Variants in ARL15 observed in about 807,000 individuals in gnomAD.
ARL15 encodes ADP-ribosylation factor-like protein 15.
Under a neutral mutation model 25.2 loss-of-function variants are expected in ARL15, and 19 were observed. The observed-to-expected ratio is 0.75, with a 90% CI of 0.53 to 1.10. ARL15 has a LOEUF of 1.10. ARL15 is among the 50% of genes least tolerant of loss of function. The probability of loss-of-function intolerance (pLI) is 0.00; values close to 1 mark genes in which losing one functional copy is unlikely to be tolerated. For missense variants in ARL15, 220 were observed against 246.0 expected (o/e 0.89, Z 0.71); for synonymous variants, 94 against 86.8 (o/e 1.08, Z -0.46).
chr5:54,105,864 C>A (rs530786880), intron 4 of ARL15, among the ~76,000 whole-genome samples: 1 of 152,228 alleles, frequency 6.6e-6, no homozygotes, highest in East Asian at 1.9e-4. Flanking sequence ...AAATTGAATT[C>A]ATCACTTTAA....
At chr5:54,164,148 G>A (rs1362302437) in intron 2 of ARL15, among the ~76,000 whole-genome samples, 1 of 151,894 alleles carries the variant, frequency 6.6e-6, no homozygotes, top group African/African-American at 2.4e-5. Flanking sequence ...TCATTTAGAA[G>A]TAAGTGAGTT....
intron 4 of ARL15, among the ~76,000 whole-genome samples, chr5:53,896,982 C>A (rs271205): frequency 0.22 from 33,110 of 152,076 alleles, 4,420 homozygotes; most frequent in Middle Eastern, 0.37. Flanking sequence ...ATACTCCCAC[C>A]TAAGATTCTA....
intron 1 of ARL15, among the ~76,000 whole-genome samples, chr5:54,199,844 C>T (rs78685175): frequency 3.5e-3 from 113 of 32,716 alleles, no homozygotes; most frequent in Admixed American, 7.2e-3. Context: ...CACATGCACA[C>T]ATATGTTTAT....
chr5:54,055,866 T>C (rs1170384972), intron 4 of ARL15, among the ~76,000 whole-genome samples: 1 of 152,128 alleles, frequency 6.6e-6, no homozygotes, highest in African/African-American at 2.4e-5. Flanking sequence ...AATTATCATG[T>C]GTATTTCTCC....
At chr5:54,033,167 G>A (rs759001073) in intron 4 of ARL15, among the ~76,000 whole-genome samples, 7 of 150,624 alleles carry the variant, frequency 4.6e-5, no homozygotes, top group Admixed American at 4.0e-4. Flanking sequence ...CAAAAAATTC[G>A]CTGGGCGTGG....
chr5:54,307,588 C>A (rs917365075), intron 1 of ARL15, among the ~76,000 whole-genome samples: 2 of 152,152 alleles, frequency 1.3e-5, no homozygotes, highest in Non-Finnish European at 2.9e-5. Context: ...AAATCAACAG[C>A]GACCCGAAGA....
chr5:54,216,292 G>A (rs1053311022), intron 1 of ARL15, among the ~76,000 whole-genome samples: 8 of 152,082 alleles, frequency 5.3e-5, no homozygotes, highest in African/African-American at 1.9e-4. Flanking sequence ...AGAGGCAGTG[G>A]TTTCATCCTC....
intron 1 of ARL15, among the ~76,000 whole-genome samples, chr5:54,296,743 G>A (rs1452799046): frequency 1.3e-5 from 2 of 152,254 alleles, no homozygotes; most frequent in African/African-American, 2.4e-5. Context: ...CCCTTGGCCA[G>A]GCACTTCTGT....
intron 1 of ARL15, among the ~76,000 whole-genome samples, chr5:54,178,273 T>C (rs539503142): frequency 3.9e-5 from 6 of 152,370 alleles, no homozygotes; most frequent in South Asian, 2.1e-4. Flanking sequence ...TTTTTCATCA[T>C]GAATACATGA....
chr5:54,089,544 C>T (rs566798004), intron 4 of ARL15, among the ~76,000 whole-genome samples: 93 of 152,014 alleles, frequency 6.1e-4, no homozygotes, highest in Non-Finnish European at 1.1e-3. Flanking sequence ...TTACCTACTA[C>T]GAGATTAAAG....
chr5:54,207,308 A>G (rs1755898190), intron 1 of ARL15, among the ~76,000 whole-genome samples: 1 of 152,230 alleles, frequency 6.6e-6, no homozygotes. Flanking sequence ...CTCCTCCAGA[A>G]GAGATATTTT....
intron 4 of ARL15, among the ~76,000 whole-genome samples, chr5:54,039,482 T>A (rs1175488791): frequency 1.3e-5 from 2 of 152,044 alleles, no homozygotes; most frequent in East Asian, 1.9e-4. Flanking sequence ...TATGGTGACA[T>A]CAGGAGAACT....
At chr5:54,148,878 T>A (rs1015463772) in intron 3 of ARL15, among the ~76,000 whole-genome samples, 2 of 152,236 alleles carry the variant, frequency 1.3e-5, no homozygotes, top group African/African-American at 4.8e-5. Flanking sequence ...TGTTAAGAAC[T>A]AAAAATTTCC....
chr5:54,292,569 G>A (rs1321683339), intron 1 of ARL15, among the ~76,000 whole-genome samples: 1 of 152,088 alleles, frequency 6.6e-6, no homozygotes, highest in Non-Finnish European at 1.5e-5. Context: ...CATTTCTGAG[G>A]GCAGAGTTCC....
intron 4 of ARL15, among the ~76,000 whole-genome samples, chr5:54,099,177 T>C (rs980452807): frequency 1.3e-5 from 2 of 152,300 alleles, no homozygotes; most frequent in African/African-American, 4.8e-5. Context: ...TACAACATTC[T>C]ATATTTGCAT....
Position 54,171,844 on chromosome 5 carries a change from T to G in ARL15, c.133A>C (p.Lys45Gln). ...CAGAGTTTGGACAACAGACTGGTTT[T>G]GCCAGAACCTGTGAGGCCTATGCAA... ...LVCIGLTGSG[K>Q]TSLLSKLCSE... The change falls in exon 2 of 5, where the codon AAA becomes CAA. Residue 45 changes from lysine to glutamine, a missense_variant. Physicochemically the swap from Lys to Gln is moderately conservative, Grantham distance 53. Transcript: ENST00000504924. 6.2e-7 allele frequency: 1 copy of G among 1,613,582 alleles called. No individual in the cohort carries two copies. Among genetic ancestry groups the G allele is most frequent in the Non-Finnish European group, 8.5e-7 (1 of 1,179,712 alleles).
intron 4 of ARL15, among the ~76,000 whole-genome samples, chr5:54,066,452 T>C (rs944589650): frequency 6.6e-5 from 10 of 152,184 alleles, no homozygotes; most frequent in Non-Finnish European, 1.0e-4. Flanking sequence ...ACAATCAGAA[T>C]ACAACACTAT....
intron 4 of ARL15, among the ~76,000 whole-genome samples, chr5:53,995,986 GTATATAAC>G (rs1312946270): frequency 6.6e-6 from 1 of 152,164 alleles, no homozygotes; most frequent in Non-Finnish European, 1.5e-5. Context: ...CTTAATAACT[GTATATAAC>G]TTTACTTCCT....
At chr5:53,970,112 C>T (rs1360383858) in intron 4 of ARL15, among the ~76,000 whole-genome samples, 1 of 151,982 alleles carries the variant, frequency 6.6e-6, no homozygotes. Flanking sequence ...GGAAACTCCC[C>T]CCAAATGATA....
Sources: gnomAD v4.1 joint callset for allele counts (sites outside exome capture counted in the v4.1 genomes callset) on GRCh38, gnomAD v4.1.1 for gene constraint, MANE v1.5 for transcripts, NCBI Gene and HGNC (gene_info 2026-07-23, HGNC 2026-07-21) for gene names.